Variants in PRRC2B observed in about 807,000 individuals in gnomAD.
PRRC2B encodes protein PRRC2B.
In PRRC2B, 68 loss-of-function variants were observed where a neutral mutation model predicts 242.3. The ratio of observed to expected loss-of-function variants is 0.28; its 90% CI spans 0.23 to 0.34. PRRC2B has a LOEUF of 0.34. Ranked by LOEUF, PRRC2B falls within the 10% of genes least tolerant of loss-of-function variation. The pLI is 1.00. For missense variants in PRRC2B, 2,835 were observed against 2,954.8 expected, an observed-to-expected ratio of 0.96 and a Z score of 0.94; for synonymous variants, 1,228 against 1,173.6, an observed-to-expected ratio of 1.05 and a Z score of -0.95.
intron 5 of PRRC2B, among the ~76,000 whole-genome samples, chr9:131,440,175 G>A (rs1372588965): frequency 6.6e-6 from 1 of 152,170 alleles, no homozygotes. Flanking sequence ...CCAGAGTGCT[G>A]GGATTACAGA....
chr9:131,434,643 G>C (rs1452550976), intron 3 of PRRC2B, among the ~76,000 whole-genome samples: 1 of 152,236 alleles, frequency 6.6e-6, no homozygotes, highest in South Asian at 2.1e-4. Flanking sequence ...ATGGTGAGTT[G>C]CCTGGGTCAG....
intron 1 of PRRC2B, among the ~76,000 whole-genome samples, chr9:131,406,667 G>A (rs1371617294): frequency 2.6e-5 from 4 of 152,020 alleles, no homozygotes; most frequent in Admixed American, 6.6e-5. Flanking sequence ...AAAGATTGGC[G>A]TAATTTCTGG....
At chr9:131,420,480 TCTTTCTTTC>T (rs1564278573) in intron 1 of PRRC2B, among the ~76,000 whole-genome samples, 2 of 14,696 alleles carry the variant, frequency 1.4e-4, no homozygotes, top group Non-Finnish European at 2.1e-4. Flanking sequence ...TTTCTTTCTT[TCTTTCTTTC>T]TTTCTTTTTT....
intron 6 of PRRC2B, among the ~76,000 whole-genome samples, chr9:131,445,311 C>T (rs191593010): frequency 6.6e-6 from 1 of 152,280 alleles, no homozygotes; most frequent in East Asian, 1.9e-4. Flanking sequence ...CAGGCATGTG[C>T]CACCACACCC....
At chr9:131,421,651 C>T (rs528031494) in intron 1 of PRRC2B, among the ~76,000 whole-genome samples, 3 of 152,202 alleles carry the variant, frequency 2.0e-5, no homozygotes, top group Admixed American at 1.3e-4. Flanking sequence ...CCCCTGAGGT[C>T]GGGCCTTGGG....
chr9:131,469,208 C>G (rs1417267602), intron 13 of PRRC2B, among the ~76,000 whole-genome samples: 3 of 152,172 alleles, frequency 2.0e-5, no homozygotes, highest in Non-Finnish European at 4.4e-5. Context: ...GTGCCGCACA[C>G]CTGTAATCCG....
intron 2 of PRRC2B, 79 bp downstream of exon 2, chr9:131,430,338 G>A: frequency 1.2e-6 from 1 of 850,746 alleles, no homozygotes; most frequent in Non-Finnish European, 1.9e-6. Context: ...CCCTCACCTG[G>A]TTAGACAGAT....
At chr9:131,390,511 C>T (rs1836886339), upstream of PRRC2B, among the ~76,000 whole-genome samples, 3 of 98,276 alleles carry the variant, frequency 3.1e-5, no homozygotes, top group Middle Eastern at 0.012. Flanking sequence ...GAGACAGAGT[C>T]TTGCTCTGTC....
chr9:131,490,230 A>G (rs549803725), intron 28 of PRRC2B, among the ~76,000 whole-genome samples: 5 of 136,472 alleles, frequency 3.7e-5, no homozygotes, highest in African/African-American at 5.5e-5. Flanking sequence ...GCTCCCCCTC[A>G]CCTCACCCCC....
At chr9:131,445,421 A>G (rs1474124506) in intron 6 of PRRC2B, among the ~76,000 whole-genome samples, 1 of 152,150 alleles carries the variant, frequency 6.6e-6, no homozygotes. Flanking sequence ...AGCCTCCCAA[A>G]GTGCTGGGAT....
Position 131,479,752 on chromosome 9 carries a change from CAGAT to C in PRRC2B, c.4900+363_4900+366del, listed in dbSNP as rs565282919. 1.6e-3 allele frequency among the ~76,000 whole-genome samples: 246 copies of C among 152,260 alleles called. 1 individual carries two copies. Among genetic ancestry groups the C allele is most frequent in the Non-Finnish European group, 3.1e-3 (209 of 68,024 alleles). On this transcript the variant is annotated intron_variant, in intron 19 of 31. Coordinates refer to ENST00000683519, the MANE Select transcript of PRRC2B (RefSeq NM_013318.4). ...TAACTTATGGAAGAGAAGCAAATGA[CAGAT>C]AGACCAGCCGCAAGAGTTCAGGAGC...
intron 1 of PRRC2B, among the ~76,000 whole-genome samples, chr9:131,422,698 T>TTGGACAGGCGGGCACTGTC (rs1837876486): frequency 6.6e-6 from 1 of 152,236 alleles, no homozygotes; most frequent in African/African-American, 2.4e-5. Context: ...CAGGAACCTG[T>TTGGACAGGCGGGCACTGTC]TGGACAGGCG....
In PRRC2B at chr9:131,496,801, G is replaced by T. The variant is rs1944347322; in HGVS notation, c.*927G>T. On this transcript the variant is annotated 3_prime_UTR_variant, in exon 32 of 32. Coordinates refer to ENST00000683519, the MANE Select transcript of PRRC2B (RefSeq NM_013318.4). ...CCAGAGACAAATCATGGAGATGGCT[G>T]CTGGTGGCTCCCAGGTTGGCCCAGA... 6.6e-6 allele frequency: 1 copy of T among 152,348 alleles called. No individual in the cohort carries two copies. Among genetic ancestry groups the T allele is most frequent in the Non-Finnish European group, 1.5e-5 (1 of 68,132 alleles). The allele number at this position is 152,348 out of a possible 1,614,324, so 9.4% of individuals were successfully genotyped here.
intron 30 of PRRC2B, among the ~76,000 whole-genome samples, chr9:131,493,102 G>A (rs1444848643): frequency 6.6e-6 from 1 of 151,990 alleles, no homozygotes; most frequent in Non-Finnish European, 1.5e-5. Flanking sequence ...GGGCCCCCAT[G>A]GTCTGCAAGT....
In PRRC2B at chr9:131,496,285, C is replaced by T. The variant is rs1012684039; in HGVS notation, c.*411C>T. The T allele has an allele frequency of 6.0e-6, 1 of 166,894 alleles. No homozygotes were observed. The highest frequency in any genetic ancestry group is 2.4e-5 in the African/African-American group (1 of 42,022). 10.3% of individuals were successfully genotyped at this position (166,894 alleles called of 1,614,324 possible). On this transcript the variant is annotated 3_prime_UTR_variant, in exon 32 of 32. Coordinates refer to ENST00000683519, the MANE Select transcript of PRRC2B (RefSeq NM_013318.4). Reference sequence around the variant, plus strand: ...GCAGCAGGGTCATTTTACTTTGAGGCTTTTTGTTTTAAAATGTAGCCAAGG... The same window carrying T: ...GCAGCAGGGTCATTTTACTTTGAGGTTTTTTGTTTTAAAATGTAGCCAAGG...
intron 19 of PRRC2B, among the ~76,000 whole-genome samples, chr9:131,481,311 CAAAAAAAAAAA>C (rs11404767): frequency 6.3e-5 from 5 of 79,266 alleles, no homozygotes; most frequent in East Asian, 3.7e-4. Context: ...ACTCCGTCTC[CAAAAAAAAAAA>C]AAAAAAAAAA....
chr9:131,410,433 A>G (rs1420176564), intron 1 of PRRC2B, among the ~76,000 whole-genome samples: 1 of 152,202 alleles, frequency 6.6e-6, no homozygotes, highest in Non-Finnish European at 1.5e-5. Flanking sequence ...GCCAGGGAGT[A>G]CCGTGGGCAG....
chr9:131,405,353 A>G (rs1443609312), intron 1 of PRRC2B, among the ~76,000 whole-genome samples: 1 of 152,176 alleles, frequency 6.6e-6, no homozygotes, highest in African/African-American at 2.4e-5. Flanking sequence ...TCCAACTGTT[A>G]TACACTGGAG....
chr9:131,473,018 A>C (rs1484677342), intron 14 of PRRC2B, among the ~76,000 whole-genome samples: 1 of 152,148 alleles, frequency 6.6e-6, no homozygotes, highest in Non-Finnish European at 1.5e-5. Context: ...TTAAACCTCC[A>C]TGAAAGTAAG....
Sources: gnomAD v4.1 joint callset for allele counts (sites outside exome capture counted in the v4.1 genomes callset) on GRCh38, gnomAD v4.1.1 for gene constraint, MANE v1.5 for transcripts, NCBI Gene and HGNC (gene_info 2026-07-23, HGNC 2026-07-21) for gene names.